Variants in IMMT observed in about 807,000 individuals in gnomAD.
IMMT encodes MICOS complex subunit MIC60.
Under a neutral mutation model 92.7 loss-of-function variants are expected in IMMT, and 40 were observed. That is an observed-to-expected ratio of 0.43 (90% CI 0.34 to 0.56). The LOEUF (loss-of-function observed/expected upper bound fraction) is 0.56. Among genes scored for constraint, IMMT ranks in the 20% least tolerant of loss-of-function variants. The pLI, the probability that IMMT is intolerant of heterozygous loss-of-function variation, is 0.03. For synonymous variants in IMMT, 322 were observed against 336.1 expected, an observed-to-expected ratio of 0.96 and a Z score of 0.46; for missense variants, 831 against 912.1, an observed-to-expected ratio of 0.91 and a Z score of 1.14.
intron 6 of IMMT, among the ~76,000 whole-genome samples, 174 bp downstream of exon 6, chr2:86,170,575 A>G (rs1365458403): frequency 1.3e-5 from 2 of 152,232 alleles, no homozygotes; most frequent in Non-Finnish European, 2.9e-5. Context: ...TCACTTAGGT[A>G]AAAGAAGTTT....
chr2:86,154,322 C>T (rs1212790455), intron 10 of IMMT, among the ~76,000 whole-genome samples: 1 of 151,548 alleles, frequency 6.6e-6, no homozygotes, highest in African/African-American at 2.4e-5. Flanking sequence ...ACATGCGCCT[C>T]CCACCACGCC....
intron 6 of IMMT, among the ~76,000 whole-genome samples, chr2:86,167,139 T>C (rs900739872): frequency 3.3e-5 from 5 of 149,462 alleles, no homozygotes; most frequent in Admixed American, 3.3e-4. Flanking sequence ...TAATTTAGTC[T>C]GGATGATAAA....
intron 9 of IMMT, chr2:86,159,240 C>A: frequency 2.5e-6 from 1 of 393,854 alleles, no homozygotes; most frequent in Non-Finnish European, 4.8e-6. Context: ...CGCACACCAC[C>A]ACATCCACTT....
chr2:86,177,140 C>G (rs1005637341), intron 3 of IMMT, among the ~76,000 whole-genome samples: 2 of 152,068 alleles, frequency 1.3e-5, no homozygotes, highest in South Asian at 2.1e-4. Context: ...AGATACTGGA[C>G]AGTAAGTCCA....
chr2:86,151,506 T>C lies in IMMT; in HGVS notation c.1192A>G (p.Thr398Ala), dbSNP rs1213984193. 2 of 1,613,312 alleles carry C rather than the reference T, an allele frequency of 1.2e-6. No individual in the cohort carries two copies. Among genetic ancestry groups the C allele is most frequent in the East Asian group, 2.2e-5 (1 of 44,888 alleles). The change falls in exon 12 of 15, where the codon ACT becomes GCT. Residue 398 changes from threonine to alanine, a missense_variant. Coordinates refer to ENST00000410111, the MANE Select transcript of IMMT (RefSeq NM_006839.3). ...SVSDLADKLS[T>A]DDLNSLIAHA... ...GCAATGAGGGAGTTCAGATCATCAG[T>C]AGAGAGCTTGTCAGCTAAGCAAAAG... is the stretch of plus-strand genomic sequence containing the variant.
chr2:86,169,535 A>C lies in IMMT; in HGVS notation c.655+1214T>G, dbSNP rs1381429041. 3.9e-5 allele frequency among the ~76,000 whole-genome samples: 6 copies of C among 152,210 alleles called. No homozygotes were observed. In the East Asian group the frequency reaches 1.2e-3, roughly 29 times the overall value. On this transcript the variant is annotated intron_variant, in intron 6 of 14. Transcript: ENST00000410111. The stretch of plus-strand genomic sequence containing the variant: ...AGCAAAACAAATGACAAGGAGATCA[A>C]AAAACTATAAACAGCTGCCATGAGT...
chr2:86,179,982 T>G (rs780018150), intron 2 of IMMT, among the ~76,000 whole-genome samples: 1 of 151,688 alleles, frequency 6.6e-6, no homozygotes, highest in African/African-American at 2.4e-5. Flanking sequence ...GAGGCCGAGG[T>G]AGGAGGAATG....
chr2:86,157,959 A>G (rs1052639317), intron 10 of IMMT, among the ~76,000 whole-genome samples: 5 of 152,118 alleles, frequency 3.3e-5, no homozygotes, highest in African/African-American at 1.2e-4. Context: ...AAAAATAAAA[A>G]TAAACGGTAT....
At chr2:86,172,844 T>G (rs982371156) in intron 4 of IMMT, among the ~76,000 whole-genome samples, 1 of 152,156 alleles carries the variant, frequency 6.6e-6, no homozygotes, top group African/African-American at 2.4e-5. Context: ...CCCTTATCTC[T>G]TTCTAATCTT....
intron 7 of IMMT, among the ~76,000 whole-genome samples, chr2:86,163,976 C>G (rs1232864537): frequency 2.3e-4 from 23 of 101,364 alleles, no homozygotes; most frequent in African/African-American, 8.1e-4. Context: ...AAAGAATGTT[C>G]TATGTAAAAT....
intron 12 of IMMT, among the ~76,000 whole-genome samples, chr2:86,148,463 T>C (rs1443340910): frequency 1.3e-5 from 2 of 151,454 alleles, no homozygotes; most frequent in African/African-American, 4.9e-5. Flanking sequence ...AAAAAAAAAA[T>C]TAGCCGGGTG....
In IMMT at chr2:86,159,561, A is replaced by T; in HGVS notation, c.1007T>A (p.Val336Asp). ...CTTTTTGACCACATTATCCAGATCAACTATCATGTTGTGAAGTTTACCCTC... is the reference window on the plus strand; with the variant it reads ...CTTTTTGACCACATTATCCAGATCATCTATCATGTTGTGAAGTTTACCCTC... ...AAEGKLHNMI[V>D]DLDNVVKKVQ... Residue 336 changes from valine (V) to aspartate (D), a missense_variant, in exon 9 of 15, where the codon GTT becomes GAT. Transcript: ENST00000410111. The T allele has an allele frequency of 6.2e-7, 1 of 1,609,066 alleles. No homozygotes were observed. The highest frequency in any genetic ancestry group is 1.1e-5 in the South Asian group (1 of 90,564).
At chr2:86,183,717 C>G (rs764897846) in intron 1 of IMMT, among the ~76,000 whole-genome samples, 26 of 152,248 alleles carry the variant, frequency 1.7e-4, no homozygotes, top group Non-Finnish European at 2.8e-4. Flanking sequence ...TATATTTATT[C>G]AAATGTGCAT....
At chr2:86,151,216 C>T in intron 12 of IMMT, 81 bp downstream of exon 12, 1 of 1,228,894 alleles carries the variant, frequency 8.1e-7, no homozygotes, top group Admixed American at 1.9e-5. Context: ...CTGCACCCGG[C>T]TGAGCCAGTA....
rs560874003 is a variant in IMMT at position 86,144,111 on chromosome 2, G to T, written c.*157C>A. 31 of 772,758 alleles carry T rather than the reference G, an allele frequency of 4.0e-5. No individual in the cohort carries two copies. The African/African-American group carries it at 5.1e-4, about 13-fold the overall frequency. 47.9% of individuals were successfully genotyped at this position (772,758 alleles called of 1,614,324 possible). ...GGCGTTCACTGACATGATAGCAAAT[G>T]GAAAGAATATAAATGCAACAGGTGT... On this transcript the variant is annotated 3_prime_UTR_variant, in exon 15 of 15. Transcript: ENST00000410111.
chr2:86,144,991 G>T, intron 14 of IMMT, 110 bp from the exon 15 acceptor site: 2 of 1,299,244 alleles, frequency 1.5e-6, no homozygotes, highest in Non-Finnish European at 2.1e-6. Context: ...GCAAGATGAG[G>T]CCAGAGAGAC....
chr2:86,156,703 A>G (rs984153379), intron 10 of IMMT, among the ~76,000 whole-genome samples: 4 of 152,216 alleles, frequency 2.6e-5, no homozygotes, highest in East Asian at 3.9e-4. Context: ...GATTTAGTCT[A>G]CTGGGAAGAC....
chr2:86,195,108 G>A (rs1031273594), intron 1 of IMMT: 1 of 442,720 alleles, frequency 2.3e-6, no homozygotes, highest in Non-Finnish European at 4.1e-6. Context: ...ACGAAGCCGC[G>A]CCTCCCGCTA....
At chr2:86,186,700 T>C (rs1233392791) in intron 1 of IMMT, among the ~76,000 whole-genome samples, 1 of 152,210 alleles carries the variant, frequency 6.6e-6, no homozygotes, top group Admixed American at 6.5e-5. Flanking sequence ...GGGATGACTG[T>C]AGACCTAGTA....
Sources: allele counts gnomAD v4.1 joint callset (sites outside exome capture counted in the v4.1 genomes callset), GRCh38; gene constraint gnomAD v4.1.1; transcripts MANE v1.5; gene names NCBI Gene and HGNC (gene_info 2026-07-23, HGNC 2026-07-21).